Variants in UBALD1 observed in about 807,000 individuals in gnomAD.
UBALD1 encodes UBA like domain containing 1.
Under a neutral mutation model 16.1 loss-of-function variants are expected in UBALD1, and 5 were observed. The ratio of observed to expected loss-of-function variants is 0.31; its 90% CI spans 0.16 to 0.66. The LOEUF (loss-of-function observed/expected upper bound fraction) is 0.66, where lower values mean the gene tolerates loss of function less well. Ranked by LOEUF, UBALD1 falls within the 30% of genes least tolerant of loss-of-function variation. UBALD1 has a pLI of 0.77. For synonymous variants in UBALD1, 146 were observed against 105.3 expected (o/e 1.39, Z -2.37); for missense variants, 220 against 252.8 (o/e 0.87, Z 0.88).
chr16:4,614,531 C>A, intron 1 of UBALD1, 147 bp downstream of exon 1: 2 of 1,277,316 alleles, frequency 1.6e-6, no homozygotes, highest in Admixed American at 2.9e-5. Context: ...GGACGCCGGG[C>A]ACCGCCGTCG....
chr16:4,610,583 C>T (rs2141783817), intron 1 of UBALD1, 28 bp from the exon 2 acceptor site: 1 of 1,592,260 alleles, frequency 6.3e-7, no homozygotes, highest in Non-Finnish European at 8.5e-7. Flanking sequence ...CCTGCTCACC[C>T]TCCAGGCCCC....
chr16:4,610,677 G>GCC, intron 1 of UBALD1, 122 bp from the exon 2 acceptor site: 1 of 1,119,626 alleles, frequency 8.9e-7, no homozygotes, highest in Non-Finnish European at 1.3e-6. Context: ...GGAGGGGTGA[G>GCC]TCGCGGTGCT....
intron 1 of UBALD1, chr16:4,610,926 C>A: frequency 2.4e-6 from 1 of 415,436 alleles, no homozygotes; most frequent in East Asian, 3.5e-5. Flanking sequence ...GGTAGCCCAA[C>A]CAGACCTCCC....
At chr16:4,610,589 GCC>G (rs1555442129) in intron 1 of UBALD1, 34 bp from the exon 2 acceptor site, 1 of 1,574,102 alleles carries the variant, frequency 6.4e-7, no homozygotes, top group East Asian at 2.3e-5. Flanking sequence ...CACCCTCCAG[GCC>G]CCCGCCGGCC....
chr16:4,609,792 G>T lies in UBALD1; in HGVS notation c.375C>A (p.Pro125=). 6.6e-7 allele frequency: 1 copy of T among 1,509,950 alleles called. No individual in the cohort carries two copies. The allele number at this position is 1,509,950 out of a possible 1,614,324, so 93.5% of individuals were successfully genotyped here. A position where few individuals can be genotyped will look rare whatever the true frequency, so the allele number is the denominator to read the frequency against. Residue 125 remains proline, a synonymous_variant, in exon 3 of 3, where the codon CCC becomes CCA. Transcript: ENST00000283474. ...ATSSSAASSW[P]TAASPPGGPQ... is the part of the protein sequence containing the mutation. The stretch of plus-strand genomic sequence containing the variant: ...GGCCCCCCGGGGGCGAGGCCGCCGT[G>T]GGCCAGCTGGAGGCCGCAGAGCTGC...
chr16:4,614,855 C>A lies in UBALD1; in HGVS notation c.-58G>T. ...CCTCCGCCCGCGCCTCCGCCTCACG[C>A]GTCCACCATTAGCGAGCCGGCTCCG... On this transcript the variant is annotated 5_prime_UTR_variant, in exon 1 of 3. Coordinates refer to ENST00000283474, the MANE Select transcript of UBALD1 (RefSeq NM_145253.3). The A allele has an allele frequency of 1.4e-6, 2 of 1,421,528 alleles. No individual in the cohort carries two copies. Among genetic ancestry groups the A allele is most frequent in the South Asian group, 1.5e-5 (1 of 65,638 alleles). The allele number at this position is 1,421,528 out of a possible 1,614,324, so 88.1% of individuals were successfully genotyped here.
chr16:4,611,057 C>G, intron 1 of UBALD1: 1 of 217,358 alleles, frequency 4.6e-6, no homozygotes, highest in Admixed American at 5.8e-5. Context: ...CTGAAGGAGT[C>G]TGAGCCTGGT....
chr16:4,610,993 A>C (rs58086933), intron 1 of UBALD1: 7,952 of 358,652 alleles, frequency 0.022, 546 homozygotes, highest in African/African-American at 0.15. Flanking sequence ...AACGGGTAGC[A>C]AGTCTCTACT....
At chr16:4,610,738 G>A (rs1379591088) in intron 1 of UBALD1, 183 bp from the exon 2 acceptor site, 7 of 636,140 alleles carry the variant, frequency 1.1e-5, no homozygotes, top group South Asian at 2.0e-5. Context: ...TGTCTAAGGA[G>A]GAGCCACGGA....
chr16:4,614,597 G>C, intron 1 of UBALD1, 81 bp downstream of exon 1: 1 of 1,285,434 alleles, frequency 7.8e-7, no homozygotes, highest in Non-Finnish European at 9.8e-7. Context: ...ACGCGTCCAC[G>C]CCGTCCGCCC....
intron 1 of UBALD1, 194 bp downstream of exon 1, chr16:4,614,484 G>A (rs1007553460): frequency 2.7e-5 from 25 of 941,374 alleles, no homozygotes; most frequent in Non-Finnish European, 3.6e-5. Context: ...CCGGTGGCCC[G>A]GTTCCCACCT....
In UBALD1 at chr16:4,609,083, G is replaced by C. The variant is rs1476164297; in HGVS notation, c.*550C>G. 1 of 144,238 alleles carries C rather than the reference G, an allele frequency of 6.9e-6. No individual in the cohort carries two copies. Among genetic ancestry groups the C allele is most frequent in the Non-Finnish European group, 1.5e-5 (1 of 66,194 alleles). The allele number at this position is 144,238 out of a possible 1,614,324, so 8.9% of individuals were successfully genotyped here. A position where few individuals can be genotyped will look rare whatever the true frequency, so the allele number is the denominator to read the frequency against. On this transcript the variant is annotated 3_prime_UTR_variant, in exon 3 of 3. Transcript: ENST00000283474. ...TGACGAGGGGGTGGGGAGGAGGCAGGGCCCTGGGGAGGGGGCGGCGGGCAG... is the reference window on the plus strand; with the variant it reads ...TGACGAGGGGGTGGGGAGGAGGCAGCGCCCTGGGGAGGGGGCGGCGGGCAG...
chr16:4,610,089 T>G, intron 2 of UBALD1, 106 bp from the exon 3 acceptor site: 6 of 934,288 alleles, frequency 6.4e-6, no homozygotes, highest in Non-Finnish European at 1.0e-5. Context: ...GAAGGCTCTG[T>G]GTTCCTTCCC....
rs1378124644 is a variant in UBALD1 at position 4,611,064 on chromosome 16, T to C, written c.121-509A>G. 9 of 206,696 alleles carry C rather than the reference T, an allele frequency of 4.4e-5. No homozygotes were observed. In the East Asian group the frequency reaches 8.2e-4, roughly 19 times the overall value. 12.8% of individuals were successfully genotyped at this position (206,696 alleles called of 1,614,324 possible). A position where few individuals can be genotyped will look rare whatever the true frequency, so the allele number is the denominator to read the frequency against. On this transcript the variant is annotated intron_variant, in intron 1 of 2. Coordinates refer to ENST00000283474, the MANE Select transcript of UBALD1 (RefSeq NM_145253.3). ...AAAGCATCCTGAAGGAGTCTGAGCC[T>C]GGTGGTGGGGATCCCCTGCTGCCCC...
Position 4,609,821 on chromosome 16 carries a change from T to G in UBALD1, c.346A>C (p.Thr116Pro), listed in dbSNP as rs1333463896. 6.6e-7 allele frequency: 1 copy of G among 1,514,496 alleles called. No homozygotes were observed. Among genetic ancestry groups the G allele is most frequent in the Non-Finnish European group, 8.8e-7 (1 of 1,133,254 alleles). 93.8% of individuals were successfully genotyped at this position (1,514,496 alleles called of 1,614,324 possible). The change falls in exon 3 of 3, where the codon ACC becomes CCC. Residue 116 changes from threonine to proline, a missense_variant. By Grantham distance (38) the Thr-to-Pro change is conservative. Transcript: ENST00000283474. ...SPPPHFPHAA[T>P]SSSAASSWPT... ...CAGCTGGAGGCCGCAGAGCTGCTGG[T>G]GGCGGCATGGGGGAAGTGTGGCGGG...
At position 4,609,763 on chromosome 16, in the gene UBALD1, T is replaced by C. The variant is rs757400471; in HGVS notation, c.404A>G (p.Gln135Arg). ...PTAASPPGGP[Q>R]HHQPQPPLWT... ...CAGGGGCGGCTGTGGCTGGTGGTGC[T>C]GTGGGCCCCCCGGGGGCGAGGCCGC... Residue 135 changes from glutamine to arginine, a missense_variant, in exon 3 of 3, where the codon CAG becomes CGG. Around this residue, in one of 2 missense-constraint regions of UBALD1, gnomAD observed 151 missense variants for 132.6 expected, o/e 1.14. Coordinates refer to ENST00000283474, the MANE Select transcript of UBALD1 (RefSeq NM_145253.3). 1.3e-6 allele frequency: 2 copies of C among 1,505,216 alleles called. No homozygotes were observed. Among genetic ancestry groups the C allele is most frequent in the Non-Finnish European group, 1.8e-6 (2 of 1,130,784 alleles). The allele number at this position is 1,505,216 out of a possible 1,614,324, so 93.2% of individuals were successfully genotyped here.
rs1057298053 is a variant in UBALD1 at position 4,609,464 on chromosome 16, G to A, written c.*169C>T. 1.2e-5 allele frequency: 5 copies of A among 410,384 alleles called. No individual in the cohort carries two copies. Among genetic ancestry groups the A allele is most frequent in the African/African-American group, 8.2e-5 (4 of 48,706 alleles). 25.4% of individuals were successfully genotyped at this position (410,384 alleles called of 1,614,324 possible). A position where few individuals can be genotyped will look rare whatever the true frequency, so the allele number is the denominator to read the frequency against. Reference sequence around the variant, plus strand: ...GCCATGACCTTGCGTGTGGGCAGCTGCGTGTTCTGGCACCAGACGTGTCCC... The same window carrying A: ...GCCATGACCTTGCGTGTGGGCAGCTACGTGTTCTGGCACCAGACGTGTCCC... On this transcript the variant is annotated 3_prime_UTR_variant, in exon 3 of 3. Transcript: ENST00000283474.
chr16:4,610,146 C>G lies in UBALD1; in HGVS notation c.184-163G>C, dbSNP rs1434249242. 6 of 749,756 alleles carry G rather than the reference C, an allele frequency of 8.0e-6. No homozygotes were observed. The East Asian group carries it at 8.0e-5, about 10-fold the overall frequency. 46.4% of individuals were successfully genotyped at this position (749,756 alleles called of 1,614,324 possible). On this transcript the variant is annotated intron_variant, in intron 2 of 2. Coordinates refer to ENST00000283474, the MANE Select transcript of UBALD1 (RefSeq NM_145253.3). The stretch of plus-strand genomic sequence containing the variant: ...CGCCCAGGGGTTCCCAGAGGAGAAG[C>G]CTTGAGATGAACCGACCCAGCCTCA...
intron 2 of UBALD1, chr16:4,610,282 G>A (rs1897342958): frequency 7.0e-6 from 5 of 715,128 alleles, no homozygotes; most frequent in Non-Finnish European, 1.0e-5. Context: ...TGCCCCAGAG[G>A]CCAGCGCCCC....
Sources: gnomAD v4.1 joint callset for allele counts on GRCh38, gnomAD v4.1.1 for gene constraint, gnomAD v4.1.1 regional missense constraint, MANE v1.5 for transcripts, NCBI Gene and HGNC (gene_info 2026-07-23, HGNC 2026-07-21) for gene names.